Variants in RYR2 observed in about 807,000 individuals in gnomAD.
The protein encoded by RYR2 is cardiac muscle ryanodine receptor-calcium release channel.
RYR2 carries 227 observed loss-of-function variants against 601.1 expected under a neutral mutation model. That is an observed-to-expected ratio of 0.38 (90% CI 0.34 to 0.42). The LOEUF is 0.42. Ranked by LOEUF, RYR2 falls within the 10% of genes least tolerant of loss-of-function variation. The probability of loss-of-function intolerance (pLI) is 1.00; values close to 1 mark genes in which losing one functional copy is unlikely to be tolerated. For missense variants in RYR2, 4,646 were observed against 6,156.5 expected (o/e 0.75, Z 8.21); for synonymous variants, 2,223 against 2,175.1 (o/e 1.02, Z -0.61).
chr1:237,400,143 G>A (rs1177127345), intron 10 of RYR2, among the ~76,000 whole-genome samples: 3 of 152,080 alleles, frequency 2.0e-5, no homozygotes, highest in Admixed American at 2.0e-4. Flanking sequence ...AAAAACTGTA[G>A]TTGTCAAACT....
chr1:237,084,910 A>C (rs1666140962), intron 1 of RYR2, among the ~76,000 whole-genome samples: 1 of 152,264 alleles, frequency 6.6e-6, no homozygotes, highest in African/African-American at 2.4e-5. Context: ...CCCTGGTCTC[A>C]GAGAGCCTGG....
intron 58 of RYR2, among the ~76,000 whole-genome samples, chr1:237,669,353 G>A (rs1026996349): frequency 6.6e-6 from 1 of 151,860 alleles, no homozygotes; most frequent in South Asian, 2.1e-4. Context: ...CCACAAAACC[G>A]CCATTGTCAT....
At chr1:237,454,908 C>G (rs575800323) in intron 15 of RYR2, among the ~76,000 whole-genome samples, 10 of 152,082 alleles carry the variant, frequency 6.6e-5, no homozygotes, top group African/African-American at 9.7e-5. Flanking sequence ...AGTGTCTGTA[C>G]GAATACAGGC....
chr1:237,414,354 G>A (rs958601546), intron 10 of RYR2, among the ~76,000 whole-genome samples: 18 of 152,262 alleles, frequency 1.2e-4, no homozygotes, highest in Middle Eastern at 3.4e-3. Context: ...TAGTCAAGTG[G>A]TTCTCAAAAT....
chr1:237,127,750 C>T lies in RYR2; in HGVS notation c.48+85181C>T, dbSNP rs539455574. 2.1e-3 allele frequency among the ~76,000 whole-genome samples: 300 copies of T among 143,512 alleles called. 1 individual carries two copies. The highest frequency in any genetic ancestry group is 7.3e-3 in the African/African-American group (274 of 37,526). The allele number at this position is 143,512 out of a possible 152,430, so 94.1% of individuals were successfully genotyped here. ...GGTGCTCCTCACATCCCAGACGGGG[C>T]GGCGGGGCAGAGGCGCTCCTCACAT... On this transcript the variant is annotated intron_variant, in intron 1 of 104. Transcript: ENST00000366574.
At chr1:237,204,957 G>T (rs1211867647) in intron 1 of RYR2, among the ~76,000 whole-genome samples, 1 of 152,168 alleles carries the variant, frequency 6.6e-6, no homozygotes, top group Admixed American at 6.5e-5. Flanking sequence ...AACTAAATCA[G>T]GGTAATGAGC....
rs773252606 is a variant in RYR2, at chr1:237,717,234, C to G, written c.10360C>G (p.Arg3454Gly). ...VSDQERKKMK[R>G]KGDRYSMQTS... ...TGATCAGGAAAGGAAGAAAATGAAG[C>G]GCAAAGGAGATCGGTATTCCATGCA... Residue 3454 changes from arginine (R) to glycine (G), a missense_variant, in exon 72 of 105, where the codon CGC becomes GGC. Transcript: ENST00000366574. 6.2e-7 allele frequency: 1 copy of G among 1,613,612 alleles called. No homozygotes were observed. Among genetic ancestry groups the G allele is most frequent in the Non-Finnish European group, 8.5e-7 (1 of 1,179,706 alleles).
chr1:237,344,155 A>G (rs1698086330), intron 3 of RYR2, among the ~76,000 whole-genome samples: 1 of 152,192 alleles, frequency 6.6e-6, no homozygotes, highest in Admixed American at 6.5e-5. Flanking sequence ...TCGGGAAACT[A>G]TTCAAGCATT....
rs1208487610 is a variant in RYR2, at chr1:237,770,218, C to CTATT, written c.11477-587_11477-584dup. The stretch of plus-strand genomic sequence containing the variant: ...AGTAATGCTCAAACCAGTCACATCT[C>CTATT]TATTTTAGATTTCAGAAATCTTTCT... On this transcript the variant is annotated intron_variant, in intron 84 of 104. Coordinates refer to ENST00000366574, the MANE Select transcript of RYR2 (RefSeq NM_001035.3). Among the ~76,000 whole-genome samples the CTATT allele has an allele frequency of 3.9e-5, 6 of 152,270 alleles. No individual in the cohort carries two copies. In the East Asian group the frequency reaches 1.2e-3, roughly 29 times the overall value.
intron 87 of RYR2, among the ~76,000 whole-genome samples, chr1:237,777,470 T>C (rs900554482): frequency 1.3e-5 from 2 of 152,202 alleles, no homozygotes; most frequent in African/African-American, 4.8e-5. Flanking sequence ...TTAAAGGTAT[T>C]ATAAGTTATT....
chr1:237,106,768 A>G lies in RYR2; in HGVS notation c.48+64199A>G, dbSNP rs1668726514. Among the ~76,000 whole-genome samples the G allele has an allele frequency of 6.6e-6, 1 of 152,200 alleles. No homozygotes were observed. The highest frequency in any genetic ancestry group is 2.4e-5 in the African/African-American group (1 of 41,446). On this transcript the variant is annotated intron_variant, in intron 1 of 104. Coordinates refer to ENST00000366574, the MANE Select transcript of RYR2 (RefSeq NM_001035.3). This position sits in a 1 kb window ranked among gnomAD's most constrained non-coding sequence, Gnocchi z 4.4. ...CAGAAATTATTCCTCACAGTTCTGGATGCTGGGAAGCCCAAGATCAGAGTG... is the reference window on the plus strand; with the variant it reads ...CAGAAATTATTCCTCACAGTTCTGGGTGCTGGGAAGCCCAAGATCAGAGTG...
At chr1:237,049,409 G>T (rs1399906811) in intron 1 of RYR2, among the ~76,000 whole-genome samples, 1 of 152,176 alleles carries the variant, frequency 6.6e-6, no homozygotes, top group East Asian at 1.9e-4. Flanking sequence ...ACAAATGGTT[G>T]TGTGACCTTG....
chr1:237,124,834 T>A lies in RYR2; in HGVS notation c.48+82265T>A, dbSNP rs143396783. Among the ~76,000 whole-genome samples, 11 of 152,296 alleles carry A rather than the reference T, an allele frequency of 7.2e-5. No homozygotes were observed. In the East Asian group the frequency reaches 2.1e-3, roughly 29 times the overall value. On this transcript the variant is annotated intron_variant, in intron 1 of 104. Coordinates refer to ENST00000366574, the MANE Select transcript of RYR2 (RefSeq NM_001035.3). Reference sequence around the variant, plus strand: ...CCACCCCCATCCCATCTCCCCACCTTTTCCCCCTGGCAAGCCAATTCTACT... The same window carrying A: ...CCACCCCCATCCCATCTCCCCACCTATTCCCCCTGGCAAGCCAATTCTACT...
intron 1 of RYR2, among the ~76,000 whole-genome samples, chr1:237,131,071 T>A (rs1672117363): frequency 6.6e-6 from 1 of 152,104 alleles, no homozygotes. Flanking sequence ...CAGAGAAAGA[T>A]AGCCCCTGGC....
intron 56 of RYR2, 79 bp from the exon 57 acceptor site, chr1:237,666,433 C>A: frequency 1.6e-6 from 2 of 1,233,312 alleles, no homozygotes; most frequent in South Asian, 1.4e-5. Flanking sequence ...GAAATTTGTG[C>A]CATATTTTTA....
At chr1:237,757,588 T>TA in intron 81 of RYR2, 109 bp from the exon 82 acceptor site, 1 of 704,830 alleles carries the variant, frequency 1.4e-6, no homozygotes, top group South Asian at 1.7e-5. Context: ...ATTAAACAGA[T>TA]TGCCTGGGGG....
chr1:237,270,614 A>C lies in RYR2; in HGVS notation c.166A>C (p.Lys56Gln), dbSNP rs943466101. The change falls in exon 2 of 105, where the codon AAG becomes CAG. Residue 56 changes from lysine to glutamine, a missense_variant and splice_region_variant. Coordinates refer to ENST00000366574, the MANE Select transcript of RYR2 (RefSeq NM_001035.3). ...TTTCTTGGAGTCCACTTCCAATTCC[A>C]AGGTGGGATGAAGTCTTTCAAGGCT... ...LCFLESTSNS[K>Q]NVPPDLSICT... The C allele has an allele frequency of 4.4e-6, 7 of 1,578,238 alleles. No individual in the cohort carries two copies. The highest frequency in any genetic ancestry group is 6.0e-6 in the Non-Finnish European group (7 of 1,161,024).
At chr1:237,755,017 C>A in intron 80 of RYR2, 1 of 1,172,664 alleles carries the variant, frequency 8.5e-7, no homozygotes, top group Non-Finnish European at 1.1e-6. Context: ...GGAGCGCTAA[C>A]TATAGTGTGA....
At chr1:237,387,956 C>T (rs1702074818) in intron 9 of RYR2, 131 bp from the exon 10 acceptor site, 1 of 788,734 alleles carries the variant, frequency 1.3e-6, no homozygotes. Flanking sequence ...TCTCTGTGAC[C>T]TTGGCCAGGT....
Sources: gnomAD v4.1 joint callset for allele counts (sites outside exome capture counted in the v4.1 genomes callset) on GRCh38, gnomAD v4.1.1 for gene constraint, Gnocchi (gnomAD v3.1) non-coding constraint, MANE v1.5 for transcripts, NCBI Gene and HGNC (gene_info 2026-07-23, HGNC 2026-07-21) for gene names.